The following MRPS9 variants were observed in gnomAD, a reference collection of about 807,000 sequenced individuals.
MRPS9 encodes mitochondrial ribosomal protein S9.
Under a neutral mutation model 59.9 loss-of-function variants are expected in MRPS9, and 45 were observed. The observed-to-expected ratio is 0.75, with a 90% CI of 0.59 to 0.96. The LOEUF (loss-of-function observed/expected upper bound fraction) is 0.96. Among genes scored for constraint, MRPS9 ranks in the 40% least tolerant of loss-of-function variants. The probability of loss-of-function intolerance (pLI) is 0.00; values close to 1 mark genes in which losing one functional copy is unlikely to be tolerated. For missense variants in MRPS9, 473 were observed against 481.1 expected (o/e 0.98, Z 0.16); for synonymous variants, 171 against 166.8 (o/e 1.03, Z -0.19).
rs530255466 is a variant in MRPS9, at chr2:105,043,928, C to T, written c.136-5243C>T. On this transcript the variant is annotated intron_variant, in intron 1 of 10. Transcript: ENST00000258455. ...GATTACAGGCGTGAGTCACCACGCC[C>T]GGCTGCAATTTTTTTTTTTTTTTCT... Among the ~76,000 whole-genome samples, 14 of 146,578 alleles carry T rather than the reference C, an allele frequency of 9.6e-5. No homozygotes were observed. In the East Asian group the frequency reaches 1.7e-3, roughly 17 times the overall value.
intron 10 of MRPS9, among the ~76,000 whole-genome samples, 160 bp from the exon 11 acceptor site, chr2:105,099,510 A>T (rs932696017): frequency 6.6e-6 from 1 of 152,234 alleles, no homozygotes; most frequent in African/African-American, 2.4e-5. Context: ...GCAAACTGCC[A>T]TCATGAGGTT....
intron 5 of MRPS9, among the ~76,000 whole-genome samples, chr2:105,084,800 G>A (rs532061839): frequency 1.3e-5 from 2 of 152,226 alleles, no homozygotes; most frequent in African/African-American, 4.8e-5. Flanking sequence ...TGCTGTTATA[G>A]AGGTGTCTTT....
rs558504547 is a variant in MRPS9, at chr2:105,040,935, C to A, written c.135+2708C>A. On this transcript the variant is annotated intron_variant, in intron 1 of 10. Transcript: ENST00000258455. ...AGTTATATGAAAACAGAAAGCTATTCTATTCAAGGAAGATATAATAGGTGC... is the reference window on the plus strand; with the variant it reads ...AGTTATATGAAAACAGAAAGCTATTATATTCAAGGAAGATATAATAGGTGC... 2.0e-5 allele frequency among the ~76,000 whole-genome samples: 3 copies of A among 152,244 alleles called. No homozygotes were observed. In the East Asian group the frequency reaches 5.8e-4, roughly 29 times the overall value.
At chr2:105,056,748 T>C (rs577586366) in intron 2 of MRPS9, among the ~76,000 whole-genome samples, 1 of 152,328 alleles carries the variant, frequency 6.6e-6, no homozygotes, top group Non-Finnish European at 1.5e-5. Context: ...ATAATTTATG[T>C]GTGAAAATTA....
chr2:105,084,247 A>AATATAGATATATATAT (rs754016660), intron 5 of MRPS9, among the ~76,000 whole-genome samples: 8 of 139,590 alleles, frequency 5.7e-5, no homozygotes, highest in African/African-American at 7.9e-5. Flanking sequence ...TATATACCAA[A>AATATAGATATATATAT]ATATATATAT....
rs530751400 is a variant in MRPS9 at position 105,039,703 on chromosome 2, A to G, written c.135+1476A>G. 4.6e-5 allele frequency among the ~76,000 whole-genome samples: 7 copies of G among 152,328 alleles called. No individual in the cohort carries two copies. The East Asian group carries it at 7.7e-4, about 17-fold the overall frequency. On this transcript the variant is annotated intron_variant, in intron 1 of 10. Transcript: ENST00000258455. Reference sequence around the variant, plus strand: ...ATTTTTAACTGCTGCATACTATTCCATGATAAGAATATATCAAAGTTAATG... The same window carrying G: ...ATTTTTAACTGCTGCATACTATTCCGTGATAAGAATATATCAAAGTTAATG...
intron 2 of MRPS9, among the ~76,000 whole-genome samples, chr2:105,058,585 A>G (rs1252064695): frequency 6.6e-6 from 1 of 151,824 alleles, no homozygotes; most frequent in Non-Finnish European, 1.5e-5. Flanking sequence ...AATTTTTAAA[A>G]TTTGCATTCT....
chr2:105,049,238 C>G lies in MRPS9; in HGVS notation c.203C>G (p.Thr68Ser), dbSNP rs1320450358. Residue 68 changes from threonine to serine, a missense_variant, in exon 2 of 11, where the codon ACT becomes AGT. Thr to Ser is a moderately conservative substitution (Grantham distance 58). Coordinates refer to ENST00000258455, the MANE Select transcript of MRPS9 (RefSeq NM_182640.3). ...AACGTTCCTACCTCAAAACGTGAAA[C>G]TTACACAGAGGATTTTATTAAAAAG... ...KKNVPTSKRE[T>S]YTEDFIKKQI... 6.2e-7 allele frequency: 1 copy of G among 1,613,444 alleles called. No individual in the cohort carries two copies. The highest frequency in any genetic ancestry group is 1.1e-5 in the South Asian group (1 of 91,014).
intron 5 of MRPS9, among the ~76,000 whole-genome samples, chr2:105,082,104 G>A (rs960994863): frequency 6.6e-6 from 1 of 152,146 alleles, no homozygotes; most frequent in African/African-American, 2.4e-5. Flanking sequence ...TGGTGGTGGG[G>A]GGAACCGTCC....
intron 2 of MRPS9, among the ~76,000 whole-genome samples, chr2:105,065,332 C>G (rs1007280217): frequency 6.6e-6 from 1 of 152,150 alleles, no homozygotes; most frequent in Non-Finnish European, 1.5e-5. Flanking sequence ...TCAGAAGGTT[C>G]AGGTTCTGGC....
intron 2 of MRPS9, among the ~76,000 whole-genome samples, chr2:105,053,700 A>G (rs943748228): frequency 6.6e-6 from 1 of 152,188 alleles, no homozygotes; most frequent in African/African-American, 2.4e-5. Context: ...CTCAAAATAT[A>G]GAATTATTTT....
chr2:105,049,320 TC>T lies in MRPS9; in HGVS notation c.287del (p.Pro96GlnfsTer29). 1.2e-6 allele frequency: 2 copies of T among 1,611,234 alleles called. No homozygotes were observed. Among genetic ancestry groups the T allele is most frequent in the Non-Finnish European group, 1.7e-6 (2 of 1,179,298 alleles). ...RHLANMMGEDPETFTQEDIDR... is the reference protein window; with the variant it reads ...RHLANMMGEDXETFTQEDIDR... ...ATTTAGCCAACATGATGGGAGAAGA[TC>T]CAGAAACTTTCACTCAAGAAGATAT... On this transcript the variant is annotated frameshift_variant, in exon 2 of 11. Coordinates refer to ENST00000258455, the MANE Select transcript of MRPS9 (RefSeq NM_182640.3). LOFTEE classifies it high-confidence loss of function.
At chr2:105,043,129 A>G (rs1273658815) in intron 1 of MRPS9, among the ~76,000 whole-genome samples, 1 of 152,204 alleles carries the variant, frequency 6.6e-6, no homozygotes, top group African/African-American at 2.4e-5. Context: ...TACCTATTTC[A>G]TGTTCAAATT....
chr2:105,043,783 C>T (rs1018054357), intron 1 of MRPS9, among the ~76,000 whole-genome samples: 36 of 129,804 alleles, frequency 2.8e-4, no homozygotes, highest in East Asian at 7.4e-4. Context: ...TACAGGTGCC[C>T]ACCACCACAC....
intron 5 of MRPS9, among the ~76,000 whole-genome samples, chr2:105,086,710 G>A (rs1179001574): frequency 1.3e-5 from 2 of 152,180 alleles, no homozygotes; most frequent in South Asian, 2.1e-4. Flanking sequence ...GACTCTGGAC[G>A]CGGCAGCTGA....
chr2:105,046,380 T>C (rs1679595432), intron 1 of MRPS9, among the ~76,000 whole-genome samples: 1 of 151,990 alleles, frequency 6.6e-6, no homozygotes. Context: ...TTTGTTTCAT[T>C]ACTAGTAGAA....
At chr2:105,043,166 T>A (rs1210039461) in intron 1 of MRPS9, among the ~76,000 whole-genome samples, 4 of 152,234 alleles carry the variant, frequency 2.6e-5, no homozygotes, top group Admixed American at 2.6e-4. Context: ...CAGTAGCTTT[T>A]TGTATATAGT....
At chr2:105,063,423 ACT>A (rs1392456871) in intron 2 of MRPS9, among the ~76,000 whole-genome samples, 1 of 152,144 alleles carries the variant, frequency 6.6e-6, no homozygotes, top group East Asian at 1.9e-4. Context: ...ATATCAAAAC[ACT>A]CTAATCTAAT....
chr2:105,099,630 A>G (rs753577969), intron 10 of MRPS9, 40 bp from the exon 11 acceptor site: 4 of 1,583,236 alleles, frequency 2.5e-6, no homozygotes, highest in Middle Eastern at 3.4e-4. Context: ...GGCAGCATGC[A>G]TATTAATGGT....
Sources: gnomAD v4.1 joint callset for allele counts (sites outside exome capture counted in the v4.1 genomes callset) on GRCh38, gnomAD v4.1.1 for gene constraint, MANE v1.5 for transcripts, NCBI Gene and HGNC (gene_info 2026-07-23, HGNC 2026-07-21) for gene names.